TRRAP: variants seen among roughly 807,000 people sequenced by gnomAD.
The protein encoded by TRRAP is transformation/transcription domain associated protein, also known as transformation/transcription domain-associated protein.
In TRRAP, 41 loss-of-function variants were observed where a neutral mutation model predicts 438.8. The observed-to-expected ratio is 0.09, with a 90% CI of 0.07 to 0.12. The LOEUF (loss-of-function observed/expected upper bound fraction) is 0.12. Ranked by LOEUF, TRRAP falls within the 10% of genes least tolerant of loss-of-function variation. The probability of loss-of-function intolerance (pLI) is 1.00; values close to 1 mark genes in which losing one functional copy is unlikely to be tolerated. For synonymous variants in TRRAP, 1,994 were observed against 1,962.9 expected (o/e 1.02, Z -0.42); for missense variants, 3,122 against 5,055.1 (o/e 0.62, Z 11.60).
At chr7:98,970,342 A>G (rs1842151806) in intron 52 of TRRAP, 51 bp downstream of exon 52, 1 of 1,574,706 alleles carries the variant, frequency 6.4e-7, no homozygotes, top group Non-Finnish European at 8.6e-7. Context: ...GTGAGGCCCC[A>G]CACCCCACGG....
chr7:98,953,383 C>G lies in TRRAP; in HGVS notation c.5680C>G (p.Leu1894Val). ...CTGCAAGTACAGCGGACACTTGCTC[C>G]TGGCGCACATTATCGCCAAATTCGC... ...PACKYSGHLL[L>V]AHIIAKFAIH... Residue 1894 changes from leucine to valine, a missense_variant, in exon 40 of 73, where the codon CTG (leucine) becomes GTG (valine). Leu to Val is a conservative substitution (Grantham distance 32, BLOSUM62 1). Transcript: ENST00000456197. 6.2e-7 allele frequency: 1 copy of G among 1,613,632 alleles called. No homozygotes were observed. Among genetic ancestry groups the G allele is most frequent in the Non-Finnish European group, 8.5e-7 (1 of 1,180,032 alleles).
chr7:98,917,999 G>A (rs1236367658), intron 20 of TRRAP, among the ~76,000 whole-genome samples: 2 of 151,818 alleles, frequency 1.3e-5, no homozygotes, highest in African/African-American at 4.8e-5. Flanking sequence ...GCCGACACCT[G>A]TAATCCCAGC....
At position 98,956,438 on chromosome 7, in the gene TRRAP, G is replaced by A. The variant is rs782797814; in HGVS notation, c.6136G>A (p.Val2046Ile). ...GGACCCAAATTCCAGTGGAGAAGGA[G>A]TCAATTCTGTCTCATCCTCCATTAA... ...DMDPNSSGEG[V>I]NSVSSSIKRG... The change falls in exon 43 of 73, where the codon GTC becomes ATC. Residue 2046 changes from valine (V) to isoleucine (I), a missense_variant. Transcript: ENST00000456197. The surrounding 1 kb of genome is among the most constrained non-coding windows in gnomAD (Gnocchi z 4.5). 6 of 1,614,102 alleles carry A rather than the reference G, an allele frequency of 3.7e-6. No individual in the cohort carries two copies. In the South Asian group the frequency reaches 5.5e-5, roughly 15 times the overall value.
intron 33 of TRRAP, among the ~76,000 whole-genome samples, chr7:98,946,583 C>CCACATATGCACACAA (rs782294760): frequency 0.027 from 4,049 of 149,918 alleles, 84 homozygotes; most frequent in South Asian, 0.053. Context: ...CGCGCACACA[C>CCACATATGCACACAA]CACATATGCA....
chr7:98,933,982 T>C (rs1212494753), intron 27 of TRRAP, among the ~76,000 whole-genome samples: 3 of 152,362 alleles, frequency 2.0e-5, no homozygotes, highest in Non-Finnish European at 2.9e-5. Flanking sequence ...TGATTCCTAA[T>C]CACTGCACTG....
At chr7:98,929,926 T>G in intron 23 of TRRAP, 63 bp from the exon 24 acceptor site, 6 of 1,542,600 alleles carry the variant, frequency 3.9e-6, no homozygotes, top group Non-Finnish European at 4.5e-6. Flanking sequence ...AGGAAAACAT[T>G]GGGGAGTTCT....
chr7:98,906,185 C>A lies in TRRAP; in HGVS notation c.1045C>A (p.Pro349Thr). 3.1e-6 allele frequency: 5 copies of A among 1,613,692 alleles called. No individual in the cohort carries two copies. In the South Asian group the frequency reaches 4.4e-5, roughly 14 times the overall value. The change falls in exon 13 of 73, where the codon CCT (proline) becomes ACT (threonine). Residue 349 changes from proline to threonine, a missense_variant. Coordinates refer to ENST00000456197, the MANE Select transcript of TRRAP (RefSeq NM_001375524.1). Reference sequence around the variant, plus strand: ...GGATGTTTGTCTTCTAGAGTTCATTCCTTGCATGGACAAGCTGTTTGATGA... The same window carrying A: ...GGATGTTTGTCTTCTAGAGTTCATTACTTGCATGGACAAGCTGTTTGATGA... The part of the protein sequence containing the change: ...LTTELRNQFI[P>T]CMDKLFDESI...
At chr7:98,950,850 CTTCT>C (rs1791302375) in intron 38 of TRRAP, 22 bp from the exon 39 acceptor site, 5 of 1,499,832 alleles carry the variant, frequency 3.3e-6, no homozygotes, top group Non-Finnish European at 4.4e-6. Context: ...TGTTTTTCTC[CTTCT>C]TTATTTAAAT....
intron 3 of TRRAP, among the ~76,000 whole-genome samples, chr7:98,888,784 A>C (rs1795831017): frequency 6.6e-6 from 1 of 152,104 alleles, no homozygotes; most frequent in Non-Finnish European, 1.5e-5. Flanking sequence ...TCTCACAGTT[A>C]TATGTTCCCT....
intron 39 of TRRAP, 134 bp downstream of exon 39, chr7:98,951,138 T>C (rs1791321119): frequency 2.6e-6 from 3 of 1,132,986 alleles, no homozygotes; most frequent in Non-Finnish European, 1.2e-6. Context: ...AACACGTTTA[T>C]TTTTCATGAT....
chr7:98,985,085 C>A, intron 62 of TRRAP, 41 bp downstream of exon 62: 1 of 1,384,600 alleles, frequency 7.2e-7, no homozygotes, highest in South Asian at 1.2e-5. Flanking sequence ...AAAAATGCAT[C>A]AGATTATTTA....
chr7:98,991,645 G>A (rs932885961), intron 64 of TRRAP, among the ~76,000 whole-genome samples: 13 of 152,318 alleles, frequency 8.5e-5, no homozygotes, highest in African/African-American at 3.1e-4. Flanking sequence ...CAGAACTCCA[G>A]TTCAATCAAA....
intron 53 of TRRAP, chr7:98,975,839 G>A (rs1803901246): frequency 3.7e-6 from 1 of 268,558 alleles, no homozygotes; most frequent in African/African-American, 2.2e-5. Context: ...TCTTGTCAGT[G>A]TTTTTGTCCT....
chr7:99,003,737 G>A (rs1267488688), intron 67 of TRRAP, among the ~76,000 whole-genome samples: 8 of 152,306 alleles, frequency 5.3e-5, no homozygotes, highest in Non-Finnish European at 8.8e-5. Flanking sequence ...GGGAGCAAGG[G>A]ACATAAAATG....
chr7:98,891,458 C>T (rs1435109969), intron 4 of TRRAP, among the ~76,000 whole-genome samples: 2 of 151,800 alleles, frequency 1.3e-5, no homozygotes, highest in African/African-American at 2.4e-5. Context: ...ACCTCGGCCT[C>T]CCAAAGTGCC....
chr7:98,950,799 CT>C, intron 38 of TRRAP, 76 bp from the exon 39 acceptor site: 1 of 1,453,292 alleles, frequency 6.9e-7, no homozygotes, highest in East Asian at 2.5e-5. Context: ...AAGGCCAAGA[CT>C]AGCTGTTCTT....
intron 20 of TRRAP, among the ~76,000 whole-genome samples, chr7:98,919,564 T>C: frequency 6.6e-6 from 1 of 152,172 alleles, no homozygotes; most frequent in Admixed American, 6.5e-5. Flanking sequence ...ATTGAACCAC[T>C]GCACTGCAAG....
chr7:98,901,371 CTG>C (rs1484509329), intron 11 of TRRAP, among the ~76,000 whole-genome samples: 11 of 152,216 alleles, frequency 7.2e-5, no homozygotes, highest in Non-Finnish European at 1.3e-4. Context: ...CCTGAAGACT[CTG>C]TGTCCAGATA....
In TRRAP at chr7:99,011,100, A is replaced by G. The variant is rs906690541; in HGVS notation, c.10987A>G (p.Ser3663Gly). Reference protein sequence around the residue: ...KEVQSNMVPRSMLKEWALHTF... With the variant: ...KEVQSNMVPRGMLKEWALHTF... ...GGTTCAGAGTAACATGGTGCCGCGC[A>G]GCATGCTCAAGGAGTGGGCGCTGCA... The change falls in exon 71 of 73, where the codon AGC becomes GGC. Residue 3663 changes from serine (S) to glycine (G), a missense_variant. Around this residue, in one of 24 missense-constraint regions of TRRAP, gnomAD observed 192 missense variants for 355.6 expected, o/e 0.54. Transcript: ENST00000456197. The surrounding 1 kb of genome is among the most constrained non-coding windows in gnomAD (Gnocchi z 7.1). 8.1e-6 allele frequency: 13 copies of G among 1,614,176 alleles called. No individual in the cohort carries two copies. Among genetic ancestry groups the G allele is most frequent in the African/African-American group, 1.3e-5 (1 of 75,036 alleles).
Sources: allele counts gnomAD v4.1 joint callset (sites outside exome capture counted in the v4.1 genomes callset), GRCh38; gene constraint gnomAD v4.1.1; regional missense constraint gnomAD v4.1.1; non-coding constraint Gnocchi (gnomAD v3.1); transcripts MANE v1.5; gene names NCBI Gene and HGNC (gene_info 2026-07-23, HGNC 2026-07-21).